The following CDV3 variants were observed in gnomAD, a reference collection of about 807,000 sequenced individuals.
The protein encoded by CDV3 is protein CDV3 homolog.
A neutral mutation model predicts 24.5 loss-of-function variants in CDV3; 14 were observed. The observed-to-expected ratio is 0.57, with a 90% CI of 0.38 to 0.89. The LOEUF is 0.89. Ranked by LOEUF, CDV3 falls within the 40% of genes least tolerant of loss-of-function variation. The pLI is 0.00. For missense variants in CDV3, 304 were observed against 310.2 expected (o/e 0.98, Z 0.15); for synonymous variants, 114 against 114.1 (o/e 1.00, Z 0.00).
At chr3:133,584,803 G>T (rs912279376) in intron 3 of CDV3, among the ~76,000 whole-genome samples, 10 of 152,146 alleles carry the variant, frequency 6.6e-5, no homozygotes, top group Admixed American at 1.3e-4. Context: ...TACCTTAACA[G>T]TCATTTGTGG....
chr3:133,583,234 A>G (rs1221944578), intron 2 of CDV3, among the ~76,000 whole-genome samples: 4 of 152,210 alleles, frequency 2.6e-5, no homozygotes, highest in African/African-American at 9.7e-5. Context: ...AACACTGGAC[A>G]CAGACTTGTT....
At position 133,588,535 on chromosome 3, in the gene CDV3, C is replaced by A; in HGVS notation, c.*489C>A. On this transcript the variant is annotated 3_prime_UTR_variant, in exon 5 of 5. Coordinates refer to ENST00000264993, the MANE Select transcript of CDV3 (RefSeq NM_017548.5). The stretch of plus-strand genomic sequence containing the variant: ...AAAAGTCAGCCATCTGGGTTCTGAT[C>A]TGCTGTAAAAGATGAAGATTTAAGT... 1 of 677,740 alleles carries A rather than the reference C, an allele frequency of 1.5e-6. No homozygotes were observed. Among genetic ancestry groups the A allele is most frequent in the Non-Finnish European group, 2.5e-6 (1 of 398,860 alleles). The allele number at this position is 677,740 out of a possible 1,614,324, so 42.0% of individuals were successfully genotyped here.
chr3:133,574,801 G>A (rs955975488), intron 1 of CDV3: 1 of 954,392 alleles, frequency 1.0e-6, no homozygotes, highest in South Asian at 3.6e-5. Context: ...GCTTTTCTTA[G>A]TTGCTTAAAG....
At chr3:133,587,300 G>A in intron 4 of CDV3, 1 of 1,260,476 alleles carries the variant, frequency 7.9e-7, no homozygotes. Flanking sequence ...GTTTTTTGGG[G>A]TGGCTTTTAG....
intron 2 of CDV3, among the ~76,000 whole-genome samples, chr3:133,581,272 T>TA (rs1305073883): frequency 5.9e-5 from 9 of 152,130 alleles, no homozygotes; most frequent in African/African-American, 2.2e-4. Flanking sequence ...AGTTCTAGCT[T>TA]ACTTGGGAGG....
intron 2 of CDV3, among the ~76,000 whole-genome samples, chr3:133,576,965 A>G (rs549781404): frequency 1.9e-4 from 28 of 148,426 alleles, no homozygotes; most frequent in Non-Finnish European, 3.6e-4. Context: ...CTTCTGCCTC[A>G]GCCTCCCGAG....
chr3:133,575,752 T>C (rs1259495821), intron 2 of CDV3, among the ~76,000 whole-genome samples: 4 of 152,376 alleles, frequency 2.6e-5, no homozygotes, highest in East Asian at 1.9e-4. Context: ...TTCAAAAAAA[T>C]AGTAATTTTT....
At chr3:133,586,092 ACTTTTCTTTTTT>A (rs1933570635) in intron 3 of CDV3, among the ~76,000 whole-genome samples, 1 of 151,476 alleles carries the variant, frequency 6.6e-6, no homozygotes, top group South Asian at 2.1e-4. Flanking sequence ...CAATGTTTTC[ACTTTTCTTTTTT>A]CTTTTTTGAG....
chr3:133,583,640 G>A (rs1372693472), intron 2 of CDV3, among the ~76,000 whole-genome samples: 1 of 152,164 alleles, frequency 6.6e-6, no homozygotes, highest in Non-Finnish European at 1.5e-5. Flanking sequence ...TCAGCTCACT[G>A]CAGCCTCTGC....
chr3:133,589,887 CTT>C lies in CDV3; in HGVS notation c.*1844_*1845del, dbSNP rs763034996. On this transcript the variant is annotated 3_prime_UTR_variant, in exon 5 of 5. Coordinates refer to ENST00000264993, the MANE Select transcript of CDV3 (RefSeq NM_017548.5). ...AATGGGATTCTTGGTAAACTGAAGA[CTT>C]TTATTTGGGAATGAAAAACCTTAAA... 6 of 152,108 alleles carry C rather than the reference CTT, an allele frequency of 3.9e-5. No individual in the cohort carries two copies. Among genetic ancestry groups the C allele is most frequent in the East Asian group, 3.9e-4 (2 of 5,194 alleles). The allele number at this position is 152,108 out of a possible 1,614,324, so 9.4% of individuals were successfully genotyped here.
At position 133,586,600 on chromosome 3, in the gene CDV3, G is replaced by A; in HGVS notation, c.504G>A (p.Val168=). The part of the protein sequence containing the change: ...ETPEPAMTSG[V]YRPPGARLTT... The stretch of plus-strand genomic sequence containing the variant: ...CAGAACCAGCGATGACTAGTGGTGT[G>A]TATAGGCCTCCTGGGGCCAGGTTAA... Residue 168 remains valine (V), a synonymous_variant, in exon 4 of 5, where the codon GTG becomes GTA. Coordinates refer to ENST00000264993, the MANE Select transcript of CDV3 (RefSeq NM_017548.5). The A allele has an allele frequency of 1.3e-6, 2 of 1,599,482 alleles. No individual in the cohort carries two copies. Among genetic ancestry groups the A allele is most frequent in the Non-Finnish European group, 1.7e-6 (2 of 1,166,586 alleles).
rs1933914635 is a variant in CDV3 at position 133,589,448 on chromosome 3, A to G, written c.*1402A>G. 1 of 152,670 alleles carries G rather than the reference A, an allele frequency of 6.6e-6. No individual in the cohort carries two copies. Among genetic ancestry groups the G allele is most frequent in the Non-Finnish European group, 1.5e-5 (1 of 68,044 alleles). The allele number at this position is 152,670 out of a possible 1,614,324, so 9.5% of individuals were successfully genotyped here. On this transcript the variant is annotated 3_prime_UTR_variant, in exon 5 of 5. Coordinates refer to ENST00000264993, the MANE Select transcript of CDV3 (RefSeq NM_017548.5). Reference sequence around the variant, plus strand: ...AAGGGACTTGAGGAAGCTACCCAGGATTACAGAAGAGTGTCCACCTAACAA... The same window carrying G: ...AAGGGACTTGAGGAAGCTACCCAGGGTTACAGAAGAGTGTCCACCTAACAA...
chr3:133,574,365 C>G, intron 1 of CDV3, 81 bp downstream of exon 1: 2 of 917,664 alleles, frequency 2.2e-6, no homozygotes, highest in Non-Finnish European at 2.6e-6. Context: ...GCCGGGGAAG[C>G]GTCCGGGAGG....
At chr3:133,584,579 T>C (rs1933389088) in intron 3 of CDV3, among the ~76,000 whole-genome samples, 1 of 152,196 alleles carries the variant, frequency 6.6e-6, no homozygotes, top group South Asian at 2.1e-4. Flanking sequence ...AAAGTTTTCA[T>C]GAGAGAGAAA....
chr3:133,574,453 C>A, intron 1 of CDV3, 169 bp downstream of exon 1: 6 of 986,392 alleles, frequency 6.1e-6, no homozygotes, highest in Non-Finnish European at 7.2e-6. Context: ...TCGCCAGGGC[C>A]GGGACCCCTT....
chr3:133,583,968 A>G, intron 2 of CDV3, 34 bp from the exon 3 acceptor site: 2 of 1,548,626 alleles, frequency 1.3e-6, no homozygotes, highest in Non-Finnish European at 1.8e-6. Context: ...TTTCTTGGTG[A>G]TTCCTTAATG....
intron 3 of CDV3, among the ~76,000 whole-genome samples, chr3:133,584,702 T>C (rs1483423754): frequency 1.3e-5 from 2 of 152,320 alleles, no homozygotes; most frequent in South Asian, 2.1e-4. Context: ...TATTTAACTT[T>C]CCTGTTCTTT....
intron 1 of CDV3, 189 bp from the exon 2 acceptor site, chr3:133,574,850 T>A: frequency 1.4e-6 from 1 of 737,824 alleles, no homozygotes; most frequent in Non-Finnish European, 2.0e-6. Context: ...AAGTATAGTG[T>A]TAGCCTACGA....
chr3:133,587,703 C>A, intron 4 of CDV3, 193 bp from the exon 5 acceptor site: 1 of 1,365,738 alleles, frequency 7.3e-7, no homozygotes, highest in Non-Finnish European at 9.4e-7. Flanking sequence ...CCTAGAGCTT[C>A]AATACAGCGT....
Sources: gnomAD v4.1 joint callset for allele counts (sites outside exome capture counted in the v4.1 genomes callset) on GRCh38, gnomAD v4.1.1 for gene constraint, MANE v1.5 for transcripts, NCBI Gene and HGNC (gene_info 2026-07-23, HGNC 2026-07-21) for gene names.